The following FBXO42 variants were observed in gnomAD, a reference collection of about 807,000 sequenced individuals.
FBXO42 encodes the protein F-box only protein 42.
In FBXO42, 12 loss-of-function variants were observed where a neutral mutation model predicts 71.7. That is an observed-to-expected ratio of 0.17 (90% CI 0.11 to 0.27). The LOEUF (loss-of-function observed/expected upper bound fraction) is 0.27, where lower values mean the gene tolerates loss of function less well. FBXO42 is among the 10% of genes least tolerant of loss of function. The pLI is 1.00. For synonymous variants in FBXO42, 325 were observed against 327.5 expected (o/e 0.99, Z 0.08); for missense variants, 707 against 911.9 (o/e 0.78, Z 2.89).
chr1:16,274,456 G>A (rs576898578), intron 4 of FBXO42, among the ~76,000 whole-genome samples: 2 of 151,914 alleles, frequency 1.3e-5, no homozygotes, highest in East Asian at 1.9e-4. Flanking sequence ...GAAAGTTTTC[G>A]TATCTTGATC....
chr1:16,338,034 T>C (rs1569943694), intron 1 of FBXO42, among the ~76,000 whole-genome samples: 1 of 149,046 alleles, frequency 6.7e-6, no homozygotes, highest in Admixed American at 6.7e-5. Flanking sequence ...CCGAGGCAGG[T>C]GGATCATGAG....
rs1291284850 is a variant in FBXO42, at chr1:16,247,130, C to G, written c.*3540G>C. The G allele has an allele frequency of 6.6e-6, 1 of 152,236 alleles. No individual in the cohort carries two copies. The highest frequency in any genetic ancestry group is 1.5e-5 in the Non-Finnish European group (1 of 68,070). The allele number at this position is 152,236 out of a possible 1,614,324, so 9.4% of individuals were successfully genotyped here. On this transcript the variant is annotated 3_prime_UTR_variant, in exon 10 of 10. Coordinates refer to ENST00000375592, the MANE Select transcript of FBXO42 (RefSeq NM_018994.3). ...GTAGAGTGTACAATGGAGCCAACAC[C>G]TAAAGTTTGCTCTCATTTGACAATG...
Position 16,281,472 on chromosome 1 carries a change from GT to G in FBXO42, c.502+13310del, listed in dbSNP as rs376419524. 1.0e-3 allele frequency among the ~76,000 whole-genome samples: 141 copies of G among 136,244 alleles called. 2 individuals are homozygous for G. The highest frequency in any genetic ancestry group is 3.8e-3 in the Middle Eastern group (1 of 264). 89.4% of individuals were successfully genotyped at this position (136,244 alleles called of 152,430 possible). A position where few individuals can be genotyped will look rare whatever the true frequency, so the allele number is the denominator to read the frequency against. ...CTATTTCTTTTCTTTTTCTTTTTTT[GT>G]TTTTTTTTTTTTTTGAGATGGAGTC... On this transcript the variant is annotated intron_variant, in intron 4 of 9. Coordinates refer to ENST00000375592, the MANE Select transcript of FBXO42 (RefSeq NM_018994.3).
Position 16,252,772 on chromosome 1 carries a change from C to T in FBXO42, c.921+324G>A, listed in dbSNP as rs528193123. On this transcript the variant is annotated intron_variant, in intron 8 of 9. Transcript: ENST00000375592. The surrounding 1 kb of genome is among the most constrained non-coding windows in gnomAD (Gnocchi z 4.4). ...ATACTGTGTGAACTCTGACAGTTAT[C>T]AACCTGCTTTTTTGTTCCACTGCCC... 2.0e-5 allele frequency among the ~76,000 whole-genome samples: 3 copies of T among 152,292 alleles called. No individual in the cohort carries two copies. Among genetic ancestry groups the T allele is most frequent in the African/African-American group, 7.2e-5 (3 of 41,560 alleles).
chr1:16,292,764 G>A (rs2082092740), intron 4 of FBXO42: 1 of 152,180 alleles, frequency 6.6e-6, no homozygotes, highest in Admixed American at 6.5e-5. Flanking sequence ...CATAAAGCTT[G>A]TTTACAAAAT....
chr1:16,291,416 C>T (rs11260719), intron 4 of FBXO42, among the ~76,000 whole-genome samples: 52,917 of 151,460 alleles, frequency 0.35, 9,701 homozygotes, highest in African/African-American at 0.41. Context: ...AGTCTCACTC[C>T]GCCACCCAGG....
At chr1:16,272,149 C>G (rs563179896) in intron 4 of FBXO42, among the ~76,000 whole-genome samples, 3 of 123,290 alleles carry the variant, frequency 2.4e-5, no homozygotes, top group Non-Finnish European at 5.1e-5. Flanking sequence ...AGCAAGACTC[C>G]GTCCCAAAAA....
chr1:16,335,063 C>CAAAAAAAAAAAAAAA (rs55983316), intron 1 of FBXO42, among the ~76,000 whole-genome samples: 5 of 69,024 alleles, frequency 7.2e-5, no homozygotes, highest in Admixed American at 2.2e-4. Context: ...CTCGTCTGTA[C>CAAAAAAAAAAAAAAA]AAAAAAAAAA....
Position 16,253,108 on chromosome 1 carries a change from G to A in FBXO42, c.909C>T (p.Gly303=), listed in dbSNP as rs539381135. The change falls in exon 8 of 10, where the codon GGC becomes GGT. Residue 303 remains glycine, a synonymous_variant. Coordinates refer to ENST00000375592, the MANE Select transcript of FBXO42 (RefSeq NM_018994.3). The part of the protein sequence containing the change: ...DATILILGGC[G]GPNALFKDAW... ...AAGCAATACTCACAGCATTGGGACC[G>A]CCACACCCTCCGAGGATTAAGATAG... 26 of 1,613,456 alleles carry A rather than the reference G, an allele frequency of 1.6e-5. No homozygotes were observed. Among genetic ancestry groups the A allele is most frequent in the East Asian group, 4.5e-5 (2 of 44,830 alleles).
chr1:16,291,500 C>T (rs867538337), intron 4 of FBXO42, among the ~76,000 whole-genome samples: 11 of 152,196 alleles, frequency 7.2e-5, no homozygotes, highest in African/African-American at 2.6e-4. Flanking sequence ...CATGCTTCAA[C>T]CTCCTGAGTA....
intron 3 of FBXO42, among the ~76,000 whole-genome samples, chr1:16,301,355 C>G (rs1419062868): frequency 6.6e-5 from 10 of 152,088 alleles, no homozygotes; most frequent in Middle Eastern, 3.4e-3. Flanking sequence ...CAACTATGAA[C>G]AAGGTGTTGT....
At chr1:16,256,942 C>T (rs1052757570) in intron 4 of FBXO42, among the ~76,000 whole-genome samples, 183 bp from the exon 5 acceptor site, 10 of 152,156 alleles carry the variant, frequency 6.6e-5, no homozygotes, top group African/African-American at 1.7e-4. Flanking sequence ...CTAATTCACA[C>T]GTCTTTTATT....
intron 4 of FBXO42, among the ~76,000 whole-genome samples, chr1:16,289,914 C>CA (rs2082061405): frequency 6.6e-6 from 1 of 151,968 alleles, no homozygotes; most frequent in Non-Finnish European, 1.5e-5. Flanking sequence ...GACCTTGTCT[C>CA]AAAAAAAGGA....
In FBXO42 at chr1:16,246,897, T is replaced by C. The variant is rs531357280; in HGVS notation, c.*3773A>G. On this transcript the variant is annotated 3_prime_UTR_variant, in exon 10 of 10. Coordinates refer to ENST00000375592, the MANE Select transcript of FBXO42 (RefSeq NM_018994.3). Reference sequence around the variant, plus strand: ...GCTAAAAAGTCATCAGGGGAAAACATTAACAAAAAATGAAATTGACAGATT... The same window carrying C: ...GCTAAAAAGTCATCAGGGGAAAACACTAACAAAAAATGAAATTGACAGATT... The C allele has an allele frequency of 6.6e-6, 1 of 152,190 alleles. No individual in the cohort carries two copies. Among genetic ancestry groups the C allele is most frequent in the African/African-American group, 2.4e-5 (1 of 41,438 alleles). 9.4% of individuals were successfully genotyped at this position (152,190 alleles called of 1,614,324 possible).
In FBXO42 at chr1:16,252,508, G is replaced by C; in HGVS notation, c.922-104C>G. The C allele has an allele frequency of 1.1e-6, 1 of 882,052 alleles. No individual in the cohort carries two copies. Among genetic ancestry groups the C allele is most frequent in the Non-Finnish European group, 1.8e-6 (1 of 542,756 alleles). 54.6% of individuals were successfully genotyped at this position (882,052 alleles called of 1,614,324 possible). On this transcript the variant is annotated intron_variant, in intron 8 of 9. Coordinates refer to ENST00000375592, the MANE Select transcript of FBXO42 (RefSeq NM_018994.3). This position sits in a 1 kb window ranked among gnomAD's most constrained non-coding sequence, Gnocchi z 4.4. ...AAGCTCTCCTGTCTGGTCTTGAAAG[G>C]ATGTGGACTCTTCAGAAGGATAGCA...
intron 4 of FBXO42, among the ~76,000 whole-genome samples, chr1:16,286,417 G>A (rs555122725): frequency 6.3e-4 from 96 of 152,290 alleles, no homozygotes; most frequent in Non-Finnish European, 1.2e-3. Context: ...GACGGAATGA[G>A]TGCAAGCAGG....
In FBXO42 at chr1:16,255,800, G is replaced by A; in HGVS notation, c.678C>T (p.Thr226=). ...GGCCAGCCATGGGAGGTGGCCCATGGGTTGTCACAATGCAGTTCCACCTAA... is the reference window on the plus strand; with the variant it reads ...GGCCAGCCATGGGAGGTGGCCCATGAGTTGTCACAATGCAGTTCCACCTAA... ...SKNWWNCIVT[T]HGPPPMAGHS... The change falls in exon 6 of 10, where the codon ACC becomes ACT. Residue 226 remains threonine (T), a synonymous_variant. Transcript: ENST00000375592. 2 of 1,613,778 alleles carry A rather than the reference G, an allele frequency of 1.2e-6. No individual in the cohort carries two copies. Among genetic ancestry groups the A allele is most frequent in the Non-Finnish European group, 1.7e-6 (2 of 1,179,904 alleles).
At chr1:16,342,538 GC>G (rs2082614683) in intron 1 of FBXO42, among the ~76,000 whole-genome samples, 1 of 145,218 alleles carries the variant, frequency 6.9e-6, no homozygotes, top group Non-Finnish European at 1.5e-5. Context: ...AACCGTGATC[GC>G]CCACTGCACT....
chr1:16,303,714 C>G (rs1430818958), intron 3 of FBXO42, among the ~76,000 whole-genome samples: 2 of 151,610 alleles, frequency 1.3e-5, no homozygotes, highest in East Asian at 3.9e-4. Flanking sequence ...ATTACAGGTG[C>G]CTGCCACCAT....
Sources: allele counts gnomAD v4.1 joint callset (sites outside exome capture counted in the v4.1 genomes callset), GRCh38; gene constraint gnomAD v4.1.1; non-coding constraint Gnocchi (gnomAD v3.1); transcripts MANE v1.5; gene names NCBI Gene and HGNC (gene_info 2026-07-23, HGNC 2026-07-21).